The following SOX6 variants were observed in gnomAD, a reference collection of about 807,000 sequenced individuals.
SOX6 encodes transcription factor SOX-6.
In SOX6, 11 loss-of-function variants were observed where a neutral mutation model predicts 97.8. The observed-to-expected ratio is 0.11, with a 90% CI of 0.07 to 0.19. The LOEUF (loss-of-function observed/expected upper bound fraction) is 0.19. Among genes scored for constraint, SOX6 ranks in the 10% least tolerant of loss-of-function variants. The pLI is 1.00. For synonymous variants in SOX6, 360 were observed against 371.4 expected, an observed-to-expected ratio of 0.97 and a Z score of 0.35; for missense variants, 810 against 1,039.5, an observed-to-expected ratio of 0.78 and a Z score of 3.04.
chr11:16,317,295 T>C (rs931129468), intron 3 of SOX6: 2 of 151,312 alleles, frequency 1.3e-5, no homozygotes, highest in African/African-American at 4.8e-5. Flanking sequence ...AATGTATAAG[T>C]TTATAGTTAA....
chr11:16,599,690 G>A (rs1848247587), intron 4 of SOX6, among the ~76,000 whole-genome samples: 1 of 152,022 alleles, frequency 6.6e-6, no homozygotes, highest in South Asian at 2.1e-4. Flanking sequence ...AAGTTTGTGA[G>A]GATTACTAAA....
At chr11:16,297,404 C>T (rs1405819958) in intron 3 of SOX6, among the ~76,000 whole-genome samples, 1 of 152,088 alleles carries the variant, frequency 6.6e-6, no homozygotes, top group Non-Finnish European at 1.5e-5. Context: ...TATTTTTAAG[C>T]AGTCAGCAAG....
intron 1 of SOX6, among the ~76,000 whole-genome samples, chr11:16,450,881 T>C (rs1488547355): frequency 6.6e-6 from 1 of 152,162 alleles, no homozygotes; most frequent in Non-Finnish European, 1.5e-5. Context: ...ATGAGAATGT[T>C]TGTAGAAAAG....
chr11:16,643,330 G>A (rs1015242595), intron 3 of SOX6, among the ~76,000 whole-genome samples: 17 of 152,198 alleles, frequency 1.1e-4, no homozygotes, highest in African/African-American at 4.1e-4. Context: ...CCCTACTGGG[G>A]GGTGCCTCCC....
chr11:16,547,509 G>A (rs1847635202), intron 4 of SOX6, among the ~76,000 whole-genome samples: 1 of 152,072 alleles, frequency 6.6e-6, no homozygotes, highest in African/African-American at 2.4e-5. Flanking sequence ...GATAGAACTT[G>A]AGGTCATTAT....
At chr11:16,711,942 C>G (rs1848183926) in intron 3 of SOX6, among the ~76,000 whole-genome samples, 1 of 152,138 alleles carries the variant, frequency 6.6e-6, no homozygotes, top group African/African-American at 2.4e-5. Context: ...AATTTAGCTC[C>G]CACATATCAG....
At chr11:16,175,605 T>A (rs1851161764) in intron 6 of SOX6, among the ~76,000 whole-genome samples, 1 of 151,934 alleles carries the variant, frequency 6.6e-6, no homozygotes, top group South Asian at 2.1e-4. Context: ...AAAAGTAGAT[T>A]CAGAGTCATA....
At chr11:16,022,359 CT>C (rs1201239060) in intron 12 of SOX6, among the ~76,000 whole-genome samples, 3 of 147,426 alleles carry the variant, frequency 2.0e-5, no homozygotes, top group Non-Finnish European at 4.5e-5. Flanking sequence ...TCCTTCCTTC[CT>C]TCCTTCCTTC....
At chr11:15,990,422 G>A (rs906615582) in intron 13 of SOX6, among the ~76,000 whole-genome samples, 1 of 151,368 alleles carries the variant, frequency 6.6e-6, no homozygotes, top group African/African-American at 2.4e-5. Flanking sequence ...AATTTCCAAA[G>A]AGCTGACTCT....
intron 3 of SOX6, among the ~76,000 whole-genome samples, chr11:16,652,761 A>T (rs1193035083): frequency 7.2e-6 from 1 of 138,324 alleles, no homozygotes; most frequent in Non-Finnish European, 1.5e-5. Context: ...AAATAAATAG[A>T]TGGGACCTAA....
intron 9 of SOX6, among the ~76,000 whole-genome samples, chr11:16,070,679 C>T (rs750617963): frequency 3.3e-5 from 5 of 151,972 alleles, no homozygotes; most frequent in Admixed American, 6.5e-5. Flanking sequence ...AGAAGGACAC[C>T]GAGAGCAGAG....
intron 4 of SOX6, among the ~76,000 whole-genome samples, chr11:16,611,474 A>C (rs1453640849): frequency 6.6e-6 from 1 of 152,234 alleles, no homozygotes; most frequent in Non-Finnish European, 1.5e-5. Flanking sequence ...AGGATAAATG[A>C]GAGAGTGTAA....
At chr11:16,615,587 T>C (rs1319843894) in intron 3 of SOX6, among the ~76,000 whole-genome samples, 2 of 152,292 alleles carry the variant, frequency 1.3e-5, no homozygotes, top group East Asian at 1.9e-4. Context: ...GAATATTGAA[T>C]GGCAAAATAT....
rs879536213 is a variant in SOX6 at position 16,349,739 on chromosome 11, G to GGAAA, written c.-5+6354_-5+6355insTTTC. Among the ~76,000 whole-genome samples, 381 of 130,744 alleles carry GGAAA rather than the reference G, an allele frequency of 2.9e-3. 3 individuals carry two copies. The highest frequency in any genetic ancestry group is 0.016 in the Middle Eastern group (4 of 248). The allele number at this position is 130,744 out of a possible 152,430, so 85.8% of individuals were successfully genotyped here. A position where few individuals can be genotyped will look rare whatever the true frequency, so the allele number is the denominator to read the frequency against. On this transcript the variant is annotated intron_variant, in intron 1 of 15. Transcript: ENST00000683767. ...AAGAAGGAAGGAAGGAAGGAAGGAA[G>GGAAA]GAAGGAAGGAAGGAAGGAAGGGAAG...
chr11:16,598,649 T>TAAA (rs71455890), intron 4 of SOX6, among the ~76,000 whole-genome samples: 23,756 of 146,882 alleles, frequency 0.16, 1,909 homozygotes, highest in Non-Finnish European at 0.18. Flanking sequence ...GTATGCTCTT[T>TAAA]AAAAAAAAAA....
At chr11:16,014,384 T>C (rs1854821023) in intron 13 of SOX6, among the ~76,000 whole-genome samples, 1 of 152,174 alleles carries the variant, frequency 6.6e-6, no homozygotes, top group East Asian at 1.9e-4. Context: ...CAAACAATTA[T>C]TAAGTTTATG....
At chr11:16,394,399 T>C (rs1019453584) in intron 1 of SOX6, among the ~76,000 whole-genome samples, 1 of 151,842 alleles carries the variant, frequency 6.6e-6, no homozygotes, top group African/African-American at 2.4e-5. Context: ...ACATTTTAAT[T>C]AAATCCTCTT....
At chr11:16,021,460 A>C (rs1435986134) in intron 12 of SOX6, among the ~76,000 whole-genome samples, 1 of 152,236 alleles carries the variant, frequency 6.6e-6, no homozygotes, top group East Asian at 1.9e-4. Flanking sequence ...GCATTTAGTA[A>C]TTTAATGAAT....
At chr11:16,035,895 GA>G (rs1696366096) in intron 12 of SOX6, among the ~76,000 whole-genome samples, 3 of 152,222 alleles carry the variant, frequency 2.0e-5, no homozygotes, top group African/African-American at 7.2e-5. Flanking sequence ...TTAGGACCGT[GA>G]ACATTAGAGC....
Sources: gnomAD v4.1 joint callset for allele counts (sites outside exome capture counted in the v4.1 genomes callset) on GRCh38, gnomAD v4.1.1 for gene constraint, MANE v1.5 for transcripts, NCBI Gene and HGNC (gene_info 2026-07-23, HGNC 2026-07-21) for gene names.